The following PPARGC1A variants were observed in gnomAD, a reference collection of about 807,000 sequenced individuals.
The protein encoded by PPARGC1A is PPARG coactivator 1 alpha.
A neutral mutation model predicts 88.7 loss-of-function variants in PPARGC1A; 25 were observed. The ratio of observed to expected loss-of-function variants is 0.28; its 90% CI spans 0.21 to 0.39. The LOEUF (loss-of-function observed/expected upper bound fraction) is 0.39, where lower values mean the gene tolerates loss of function less well. Among genes scored for constraint, PPARGC1A ranks in the 10% least tolerant of loss-of-function variants. The probability of loss-of-function intolerance (pLI) is 1.00; values close to 1 mark genes in which losing one functional copy is unlikely to be tolerated. For synonymous variants in PPARGC1A, 363 were observed against 355.6 expected (o/e 1.02, Z -0.24); for missense variants, 880 against 968.7 (o/e 0.91, Z 1.22).
chr4:24,020,158 C>T, the PPARGC1A span, among the ~76,000 whole-genome samples: 6 of 152,132 alleles, frequency 3.9e-5, no homozygotes, highest in Non-Finnish European at 8.8e-5. Context: ...CAATATTGAC[C>T]GACAAGCCAG....
the PPARGC1A span, among the ~76,000 whole-genome samples, chr4:24,225,500 A>G: frequency 1.3e-5 from 2 of 151,962 alleles, no homozygotes; most frequent in South Asian, 4.2e-4. Flanking sequence ...ACTGCACTCC[A>G]GCCTGGGTGA....
chr4:23,928,753 C>CAAAA, the PPARGC1A span, among the ~76,000 whole-genome samples: 2 of 9,240 alleles, frequency 2.2e-4, no homozygotes, highest in African/African-American at 5.8e-4. Flanking sequence ...TATCCAGCCA[C>CAAAA]AAAAAAACAA....
chr4:24,033,675 C>A, the PPARGC1A span, among the ~76,000 whole-genome samples: 84 of 151,216 alleles, frequency 5.6e-4, no homozygotes, highest in Non-Finnish European at 9.0e-4. Context: ...AGAAAAAAAA[C>A]ACAATTCCAA....
chr4:24,147,263 C>G, the PPARGC1A span, among the ~76,000 whole-genome samples: 1 of 152,220 alleles, frequency 6.6e-6, no homozygotes, highest in South Asian at 2.1e-4. Flanking sequence ...CCCTTGGACT[C>G]ATGCTCGAAC....
At chr4:24,087,484 T>C in the PPARGC1A span, among the ~76,000 whole-genome samples, 3 of 152,194 alleles carry the variant, frequency 2.0e-5, no homozygotes, top group Non-Finnish European at 2.9e-5. Context: ...CTATTATAAA[T>C]CATTATCCAG....
At chr4:23,862,532 G>C (rs1731393519) in intron 2 of PPARGC1A, among the ~76,000 whole-genome samples, 1 of 152,052 alleles carries the variant, frequency 6.6e-6, no homozygotes, top group African/African-American at 2.4e-5. Flanking sequence ...CTTGGCCCTG[G>C]GCAAGTTACT....
the PPARGC1A span, among the ~76,000 whole-genome samples, chr4:24,439,704 C>T: frequency 2.6e-5 from 4 of 152,184 alleles, no homozygotes; most frequent in Middle Eastern, 3.2e-3. Flanking sequence ...AGGGATTCTG[C>T]GGTAGCTCTG....
At chr4:24,343,949 G>A in the PPARGC1A span, among the ~76,000 whole-genome samples, 9 of 148,364 alleles carry the variant, frequency 6.1e-5, no homozygotes, top group African/African-American at 2.0e-4. Flanking sequence ...ATGCCTTTGC[G>A]TCCTCATAGC....
the PPARGC1A span, among the ~76,000 whole-genome samples, chr4:24,325,469 C>A: frequency 1.3e-5 from 2 of 152,164 alleles, no homozygotes; most frequent in Non-Finnish European, 2.9e-5. Flanking sequence ...GAACCTCCTC[C>A]CCCAGGAGCT....
rs1465270314 is a variant in PPARGC1A at position 23,795,903 on chromosome 4, G to A, written c.2316C>T (p.Asp772=). The stretch of plus-strand genomic sequence containing the variant: ...CATACTTGCTCTTGGTGGAAGCAGG[G>A]TCAAAGTCATCTGAGTTTGAATCTG... The part of the protein sequence containing the change: ...ADLDSNSDDF[D]PASTKSKYDS... Residue 772 remains aspartate, a synonymous_variant, in exon 13 of 13, where the codon GAC becomes GAT. Coordinates refer to ENST00000264867, the MANE Select transcript of PPARGC1A (RefSeq NM_013261.5). 1.9e-6 allele frequency: 3 copies of A among 1,610,414 alleles called. No individual in the cohort carries two copies. The highest frequency in any genetic ancestry group is 2.2e-5 in the East Asian group (1 of 44,718).
intron 2 of PPARGC1A, among the ~76,000 whole-genome samples, chr4:23,834,971 A>G (rs748504554): frequency 6.6e-6 from 1 of 152,240 alleles, no homozygotes; most frequent in Non-Finnish European, 1.5e-5. Context: ...TCAAATACAC[A>G]TGCACACACA....
chr4:24,163,102 T>C, the PPARGC1A span, among the ~76,000 whole-genome samples: 1 of 150,896 alleles, frequency 6.6e-6, no homozygotes, highest in Non-Finnish European at 1.5e-5. Flanking sequence ...TACAATAGTC[T>C]TTATTTATTT....
At chr4:23,842,593 C>T (rs1381458326) in intron 2 of PPARGC1A, among the ~76,000 whole-genome samples, 1 of 152,060 alleles carries the variant, frequency 6.6e-6, no homozygotes, top group African/African-American at 2.4e-5. Context: ...GTTTTGGGGG[C>T]TGTCCTGTGT....
the PPARGC1A span, among the ~76,000 whole-genome samples, chr4:24,157,285 G>A: frequency 6.6e-6 from 1 of 152,124 alleles, no homozygotes; most frequent in Admixed American, 6.6e-5. Flanking sequence ...TCAGCTCTCA[G>A]CATCTTTAAT....
the PPARGC1A span, among the ~76,000 whole-genome samples, chr4:24,163,087 T>C: frequency 1.3e-5 from 2 of 151,206 alleles, no homozygotes; most frequent in East Asian, 1.9e-4. Flanking sequence ...ACATCATGTC[T>C]CTCATACAAT....
the PPARGC1A span, among the ~76,000 whole-genome samples, chr4:24,338,122 G>T: frequency 6.6e-6 from 1 of 152,158 alleles, no homozygotes; most frequent in East Asian, 1.9e-4. Context: ...GATCCATGAT[G>T]ATTCTCGGGG....
At chr4:23,959,973 T>C in the PPARGC1A span, among the ~76,000 whole-genome samples, 1 of 152,110 alleles carries the variant, frequency 6.6e-6, no homozygotes. Context: ...TTGGTCAGCC[T>C]GGGCAAGTGC....
the PPARGC1A span, among the ~76,000 whole-genome samples, chr4:24,217,174 AAGC>A: frequency 6.6e-6 from 1 of 152,228 alleles, no homozygotes; most frequent in Non-Finnish European, 1.5e-5. Flanking sequence ...CAGCAATCTC[AAGC>A]AGAACTTCAG....
chr4:24,194,161 A>G, the PPARGC1A span, among the ~76,000 whole-genome samples: 1 of 151,934 alleles, frequency 6.6e-6, no homozygotes, highest in African/African-American at 2.4e-5. Flanking sequence ...CCAATGAACA[A>G]CAGGAAAAAG....
Sources: gnomAD v4.1 joint callset for allele counts (sites outside exome capture counted in the v4.1 genomes callset) on GRCh38, gnomAD v4.1.1 for gene constraint, MANE v1.5 for transcripts, NCBI Gene and HGNC (gene_info 2026-07-23, HGNC 2026-07-21) for gene names.